UNC13A: variants seen among roughly 807,000 people sequenced by gnomAD.
UNC13A encodes unc-13 homolog A.
A neutral mutation model predicts 219.7 loss-of-function variants in UNC13A; 61 were observed. That is an observed-to-expected ratio of 0.28 (90% CI 0.23 to 0.34). UNC13A has a LOEUF of 0.34. UNC13A is among the 10% of genes least tolerant of loss of function. The probability of loss-of-function intolerance (pLI) is 1.00; values close to 1 mark genes in which losing one functional copy is unlikely to be tolerated. For missense variants in UNC13A, 1,476 were observed against 2,270.3 expected (o/e 0.65, Z 7.11); for synonymous variants, 920 against 884.6 (o/e 1.04, Z -0.71).
intron 1 of UNC13A, among the ~76,000 whole-genome samples, chr19:17,682,109 T>C (rs1039361525): frequency 6.6e-6 from 1 of 151,888 alleles, no homozygotes; most frequent in African/African-American, 2.4e-5. Context: ...CGCGCCACCA[T>C]ACCCAGCTAA....
chr19:17,674,839 AT>A lies in UNC13A; in HGVS notation c.53-84del. On this transcript the variant is annotated intron_variant, in intron 2 of 43. Coordinates refer to ENST00000519716, the MANE Select transcript of UNC13A (RefSeq NM_001080421.3). This position sits in a 1 kb window ranked among gnomAD's most constrained non-coding sequence, Gnocchi z 5.0. ...CCCAAGCTCTAGACCATCTGCTGTG[AT>A]CCCCTCAGGAATTTCTGGGCCACTC... The A allele has an allele frequency of 2.4e-6, 3 of 1,227,600 alleles. No individual in the cohort carries two copies. The highest frequency in any genetic ancestry group is 3.6e-6 in the Non-Finnish European group (3 of 839,730). 76.0% of individuals were successfully genotyped at this position (1,227,600 alleles called of 1,614,324 possible). A position where few individuals can be genotyped will look rare whatever the true frequency, so the allele number is the denominator to read the frequency against.
At chr19:17,610,220 C>G (rs2076587458) in intron 42 of UNC13A, 121 bp from the exon 43 acceptor site, 1 of 1,348,362 alleles carries the variant, frequency 7.4e-7, no homozygotes, top group South Asian at 1.3e-5. Flanking sequence ...AATCCCACCA[C>G]TTCGGGAGGC....
chr19:17,646,426 T>A (rs73526090), intron 17 of UNC13A, among the ~76,000 whole-genome samples: 140 of 152,112 alleles, frequency 9.2e-4, no homozygotes, highest in African/African-American at 2.9e-3. Context: ...GCCAATCGTT[T>A]TGCATTTTTA....
chr19:17,670,995 A>G (rs2079777775), intron 4 of UNC13A, among the ~76,000 whole-genome samples: 1 of 152,144 alleles, frequency 6.6e-6, no homozygotes, highest in Non-Finnish European at 1.5e-5. Flanking sequence ...AACAGTCCCC[A>G]GTCCCTCCTC....
At chr19:17,655,752 T>C in intron 10 of UNC13A, 131 bp downstream of exon 10, 1 of 1,420,358 alleles carries the variant, frequency 7.0e-7, no homozygotes, top group Admixed American at 3.1e-5. Flanking sequence ...CTCTGATCCC[T>C]TTAAGAAACC....
intron 26 of UNC13A, among the ~76,000 whole-genome samples, chr19:17,633,619 C>T (rs2076880409): frequency 6.6e-6 from 1 of 151,840 alleles, no homozygotes. Flanking sequence ...CTATCTATCC[C>T]TCCACCTACC....
At chr19:17,672,102 C>A (rs2079800048) in intron 4 of UNC13A, among the ~76,000 whole-genome samples, 1 of 152,158 alleles carries the variant, frequency 6.6e-6, no homozygotes, top group Non-Finnish European at 1.5e-5. Flanking sequence ...CCCCCTCCCC[C>A]ACCACCAGCA....
chr19:17,621,977 G>A, intron 36 of UNC13A, 107 bp from the exon 37 acceptor site: 2 of 1,135,356 alleles, frequency 1.8e-6, no homozygotes, highest in Non-Finnish European at 1.3e-6. Context: ...ACACTGCACA[G>A]GGTACTGGTG....
intron 1 of UNC13A, among the ~76,000 whole-genome samples, chr19:17,686,612 G>A (rs2080117046): frequency 1.3e-5 from 2 of 151,912 alleles, no homozygotes; most frequent in African/African-American, 2.4e-5. Flanking sequence ...TGGAGGCTAG[G>A]GGATGGAGGA....
At chr19:17,682,294 C>A (rs1179107331) in intron 1 of UNC13A, among the ~76,000 whole-genome samples, 1 of 152,108 alleles carries the variant, frequency 6.6e-6, no homozygotes, top group Non-Finnish European at 1.5e-5. Flanking sequence ...GATTATTGGG[C>A]CTTCCCGTAG....
intron 1 of UNC13A, among the ~76,000 whole-genome samples, chr19:17,681,051 C>A (rs2080006812): frequency 1.4e-5 from 2 of 146,026 alleles, no homozygotes; most frequent in Non-Finnish European, 1.5e-5. Context: ...AGGTGCGCAT[C>A]ACCATGCTTG....
chr19:17,630,205 G>A lies in UNC13A; in HGVS notation c.3609C>T (p.Ile1203=), dbSNP rs1347361536. 6.4e-7 allele frequency: 1 copy of A among 1,552,950 alleles called. No individual in the cohort carries two copies. Among genetic ancestry groups the A allele is most frequent in the Admixed American group, 2.0e-5 (1 of 51,046 alleles). ...FSQLNQSFEI[I]KKLECPDPQI... ...GAGGGTCGGGACACTCGAGTTTCTT[G>A]ATGATTTCAAAGCTCTGGTTGAGTT... Residue 1203 remains isoleucine (I), a synonymous_variant, in exon 30 of 44, where the codon ATC becomes ATT. Transcript: ENST00000519716.
intron 5 of UNC13A, among the ~76,000 whole-genome samples, chr19:17,668,646 C>T (rs1026338327): frequency 3.3e-5 from 5 of 151,942 alleles, no homozygotes; most frequent in African/African-American, 1.2e-4. Context: ...ACCACCATGC[C>T]CAGTTAATTT....
chr19:17,676,075 G>A, intron 1 of UNC13A, 34 bp from the exon 2 acceptor site: 4 of 1,551,022 alleles, frequency 2.6e-6, no homozygotes, highest in Non-Finnish European at 3.5e-6. Flanking sequence ...GAAGGGAGGT[G>A]GGGAGAGATG....
intron 11 of UNC13A, among the ~76,000 whole-genome samples, chr19:17,653,069 C>A (rs984463151): frequency 2.0e-5 from 3 of 152,084 alleles, no homozygotes; most frequent in African/African-American, 7.2e-5. Flanking sequence ...TCAGCATAGA[C>A]GTGGGGTCCA....
Position 17,632,812 on chromosome 19 carries a change from G to T in UNC13A, c.3398C>A (p.Ala1133Asp). Residue 1133 changes from alanine to aspartate, a missense_variant, in exon 28 of 44, where the codon GCC becomes GAC. Coordinates refer to ENST00000519716, the MANE Select transcript of UNC13A (RefSeq NM_001080421.3). The stretch of plus-strand genomic sequence containing the variant: ...GTACTCAGGCACGCGGTCCTTGAAG[G>T]CGGGAAGTTCCGTCACATACTCATT... ...LYNEYVTELP[A>D]FKDRVPEYPA... 3 of 1,613,978 alleles carry T rather than the reference G, an allele frequency of 1.9e-6. No homozygotes were observed. The highest frequency in any genetic ancestry group is 2.5e-6 in the Non-Finnish European group (3 of 1,179,908).
intron 16 of UNC13A, among the ~76,000 whole-genome samples, chr19:17,648,116 G>C (rs2079274821): frequency 6.9e-6 from 1 of 144,560 alleles, no homozygotes; most frequent in Non-Finnish European, 1.5e-5. Context: ...ATTTTATCCA[G>C]GGGAGCTGCC....
chr19:17,612,869 A>C (rs1485892655), intron 41 of UNC13A, among the ~76,000 whole-genome samples: 5 of 151,476 alleles, frequency 3.3e-5, no homozygotes, highest in African/African-American at 1.2e-4. Context: ...TAAATAAATA[A>C]CATTTAAAAG....
At chr19:17,671,476 T>G (rs1357926530) in intron 4 of UNC13A, among the ~76,000 whole-genome samples, 2 of 151,878 alleles carry the variant, frequency 1.3e-5, no homozygotes, top group African/African-American at 4.8e-5. Context: ...GACAGATGAA[T>G]AGACATGACC....
Sources: allele counts gnomAD v4.1 joint callset (sites outside exome capture counted in the v4.1 genomes callset), GRCh38; gene constraint gnomAD v4.1.1; non-coding constraint Gnocchi (gnomAD v3.1); transcripts MANE v1.5; gene names NCBI Gene and HGNC (gene_info 2026-07-23, HGNC 2026-07-21).